The following POMGNT1 variants were observed in gnomAD, a reference collection of about 807,000 sequenced individuals.
POMGNT1 encodes protein O-linked mannose N-acetylglucosaminyltransferase 1 (beta 1,2-), also known as protein O-linked-mannose beta-1,2-N-acetylglucosaminyltransferase 1.
In POMGNT1, 67 loss-of-function variants were observed where a neutral mutation model predicts 95.6. The ratio of observed to expected loss-of-function variants is 0.70; its 90% CI spans 0.58 to 0.86. The LOEUF (loss-of-function observed/expected upper bound fraction) is 0.86. Ranked by LOEUF, POMGNT1 falls within the 40% of genes least tolerant of loss-of-function variation. The pLI is 0.00. For synonymous variants in POMGNT1, 298 were observed against 317.9 expected, an observed-to-expected ratio of 0.94 and a Z score of 0.66; for missense variants, 719 against 855.2, an observed-to-expected ratio of 0.84 and a Z score of 1.99.
rs141676863 is a variant in POMGNT1 at position 46,195,796 on chromosome 1, G to A, written c.534+15C>T. On this transcript the variant is annotated intron_variant, in intron 6 of 21. Coordinates refer to ENST00000371984, the MANE Select transcript of POMGNT1 (RefSeq NM_017739.4). ...GCTAGGGAGTAGGGGTCAGGGTCAG[G>A]ACAGAATAACTGACCTTGACAGTGC... 115 of 1,574,116 alleles carry A rather than the reference G, an allele frequency of 7.3e-5. No individual in the cohort carries two copies. In the African/African-American group the frequency reaches 1.4e-3, roughly 19 times the overall value.
intron 11 of POMGNT1, 57 bp downstream of exon 11, chr1:46,193,507 C>A: frequency 6.2e-7 from 1 of 1,613,866 alleles, no homozygotes; most frequent in Non-Finnish European, 8.5e-7. Context: ...CCGTCCCTGG[C>A]AATCACTGCT....
At chr1:46,190,442 C>T in intron 19 of POMGNT1, 31 bp downstream of exon 19, 1 of 1,557,160 alleles carries the variant, frequency 6.4e-7, no homozygotes, top group Non-Finnish European at 8.9e-7. Flanking sequence ...CTCTTTGCTC[C>T]CTGCTACACC....
chr1:46,197,673 G>C (rs757951199), intron 2 of POMGNT1, 29 bp downstream of exon 2: 10 of 1,613,790 alleles, frequency 6.2e-6, no homozygotes, highest in Middle Eastern at 1.6e-4. Context: ...GGGAGCGCTC[G>C]GTGGGGAGGG....
Position 46,197,812 on chromosome 1 carries a change from A to C in POMGNT1, c.10T>G (p.Trp4Gly). The change falls in exon 2 of 22, where the codon TGG (tryptophan) becomes GGG (glycine). Residue 4 changes from tryptophan to glycine, a missense_variant. Around this residue, in one of 5 missense-constraint regions of POMGNT1, gnomAD observed 466 missense variants for 517.4 expected, o/e 0.90. Transcript: ENST00000371984. ...GGCTTGATGAGGGGGCTGGGCTTCC[A>C]GTCGTCCATACCGGATTGGCGGGTC... MDD[W>G]KPSPLIKPFG... The C allele has an allele frequency of 1.9e-6, 3 of 1,614,098 alleles. No homozygotes were observed. Among genetic ancestry groups the C allele is most frequent in the Non-Finnish European group, 2.5e-6 (3 of 1,180,008 alleles).
chr1:46,219,696 C>A (rs1383815158), intron 1 of POMGNT1: 19 of 1,576,948 alleles, frequency 1.2e-5, no homozygotes, highest in Non-Finnish European at 1.6e-5. Flanking sequence ...CCCACTCCCC[C>A]AGGCTTACCT....
chr1:46,200,179 AT>A (rs1487513410), upstream of POMGNT1, among the ~76,000 whole-genome samples: 2 of 152,354 alleles, frequency 1.3e-5, no homozygotes, highest in Admixed American at 6.5e-5. Context: ...AAATAAAAAA[AT>A]AAAAATAAAT....
rs1657914753 is a variant in POMGNT1 at position 46,193,103 on chromosome 1, C to T, written c.1152+71G>A. 4.0e-5 allele frequency: 64 copies of T among 1,609,444 alleles called. No individual in the cohort carries two copies. In the South Asian group the frequency reaches 5.3e-4, roughly 13 times the overall value. On this transcript the variant is annotated intron_variant, in intron 13 of 21. Transcript: ENST00000371984. Reference sequence around the variant, plus strand: ...GCCCAGTGAGGGGAAGAGCTTGCCACGTAACAGGCCCAGACCTTATGCCCA... The same window carrying T: ...GCCCAGTGAGGGGAAGAGCTTGCCATGTAACAGGCCCAGACCTTATGCCCA...
At chr1:46,208,675 T>C (rs1658799392) in intron 1 of POMGNT1, among the ~76,000 whole-genome samples, 4 of 152,040 alleles carry the variant, frequency 2.6e-5, no homozygotes. Flanking sequence ...AAACCCCATC[T>C]CTACTAAAAA....
At chr1:46,190,108 T>C in intron 19 of POMGNT1, 119 bp from the exon 20 acceptor site, 3 of 1,292,436 alleles carry the variant, frequency 2.3e-6, no homozygotes, top group Non-Finnish European at 3.1e-6. Flanking sequence ...TTTTTTTTTT[T>C]TTTTTTTTGA....
upstream of POMGNT1, among the ~76,000 whole-genome samples, chr1:46,200,937 C>T (rs1439737060): frequency 2.6e-5 from 4 of 151,436 alleles, no homozygotes; most frequent in Non-Finnish European, 5.9e-5. Context: ...GATGGATCCG[C>T]CTGGCCAACA....
intron 10 of POMGNT1, 34 bp downstream of exon 10, chr1:46,193,821 T>C: frequency 1.2e-6 from 2 of 1,613,000 alleles, no homozygotes. Flanking sequence ...CACCCTCCTG[T>C]TCAGTGCTGG....
chr1:46,220,262 A>G, exon 1 of POMGNT1: 2 of 1,541,670 alleles, frequency 1.3e-6, no homozygotes, highest in Non-Finnish European at 1.7e-6. Context: ...TCTTTTATCC[A>G]TTAGATGTGG....
chr1:46,203,301 C>G, upstream of POMGNT1: 2 of 656,448 alleles, frequency 3.0e-6, no homozygotes. Context: ...GCGCCCTCCT[C>G]CCGCCCCCGC....
At chr1:46,214,610 G>A (rs533039287) in intron 1 of POMGNT1, among the ~76,000 whole-genome samples, 1 of 152,278 alleles carries the variant, frequency 6.6e-6, no homozygotes, top group South Asian at 2.1e-4. Context: ...GCTCATGCCT[G>A]TAATCCCAGC....
At position 46,196,579 on chromosome 1, in the gene POMGNT1, C is replaced by A; in HGVS notation, c.354+152G>T. The A allele has an allele frequency of 6.8e-7, 1 of 1,466,306 alleles. No individual in the cohort carries two copies. 90.8% of individuals were successfully genotyped at this position (1,466,306 alleles called of 1,614,324 possible). A position where few individuals can be genotyped will look rare whatever the true frequency, so the allele number is the denominator to read the frequency against. On this transcript the variant is annotated intron_variant, in intron 4 of 21. Coordinates refer to ENST00000371984, the MANE Select transcript of POMGNT1 (RefSeq NM_017739.4). The surrounding 1 kb of genome is among the most constrained non-coding windows in gnomAD (Gnocchi z 4.4). ...ATCCTGACAAGTAGAAATCATTAGT[C>A]CCAGTCTATAGATAAGGAATCGAGG...
At chr1:46,200,465 C>T (rs1044002034), upstream of POMGNT1, among the ~76,000 whole-genome samples, 1 of 152,222 alleles carries the variant, frequency 6.6e-6, no homozygotes, top group South Asian at 2.1e-4. Context: ...TGCACCAGGC[C>T]AAACAGCTGG....
chr1:46,205,526 AGATTCTGAACTCACATAGG>A (rs549045195), intron 1 of POMGNT1, among the ~76,000 whole-genome samples: 1 of 152,346 alleles, frequency 6.6e-6, no homozygotes, highest in Admixed American at 6.5e-5. Flanking sequence ...ACGTGCTTGC[AGATTCTGAACTCACATAGG>A]GAGTCAGTGG....
rs1658243635 is a variant in POMGNT1 at position 46,196,403 on chromosome 1, T to G, written c.355-326A>C. 6.6e-6 allele frequency among the ~76,000 whole-genome samples: 1 copy of G among 152,182 alleles called. No individual in the cohort carries two copies. Among genetic ancestry groups the G allele is most frequent in the African/African-American group, 2.4e-5 (1 of 41,434 alleles). On this transcript the variant is annotated intron_variant, in intron 4 of 21. Transcript: ENST00000371984. This position sits in a 1 kb window ranked among gnomAD's most constrained non-coding sequence, Gnocchi z 4.4. ...CAAGGTAGGGCCAGGTCTGATTACT[T>G]TCAGGTCCCCAGTGCCCAGCACAAG...
chr1:46,192,524 A>G lies in POMGNT1; in HGVS notation c.1278T>C (p.Asn426=), dbSNP rs1657864731. The G allele has an allele frequency of 1.2e-6, 2 of 1,614,062 alleles. No individual in the cohort carries two copies. The highest frequency in any genetic ancestry group is 1.1e-5 in the South Asian group (1 of 91,084). The stretch of plus-strand genomic sequence containing the variant: ...CCTGGTCATTCCAGCCTACCTGGTC[A>G]TTCCAGGCAGAGATGCAGTACAGGC... ...DDSLYCISAW[N]DQGYEHTAED... is the part of the protein sequence containing the mutation. The change falls in exon 15 of 22, where the codon AAT becomes AAC. Residue 426 remains asparagine, a synonymous_variant. Transcript: ENST00000371984.
Sources: allele counts gnomAD v4.1 joint callset (sites outside exome capture counted in the v4.1 genomes callset), GRCh38; gene constraint gnomAD v4.1.1; regional missense constraint gnomAD v4.1.1; non-coding constraint Gnocchi (gnomAD v3.1); transcripts MANE v1.5; gene names NCBI Gene and HGNC (gene_info 2026-07-23, HGNC 2026-07-21).